KLF12: variants seen among roughly 807,000 people sequenced by gnomAD.
The protein encoded by KLF12 is Krueppel-like factor 12.
Under a neutral mutation model 37.8 loss-of-function variants are expected in KLF12, and 9 were observed. The observed-to-expected ratio is 0.24, with a 90% CI of 0.14 to 0.42. KLF12 has a LOEUF of 0.42. Among genes scored for constraint, KLF12 ranks in the 10% least tolerant of loss-of-function variants. The probability of loss-of-function intolerance (pLI) is 1.00; values close to 1 mark genes in which losing one functional copy is unlikely to be tolerated. For synonymous variants in KLF12, 208 were observed against 202.1 expected (o/e 1.03, Z -0.25); for missense variants, 411 against 516.0 (o/e 0.80, Z 1.97).
At chr13:74,194,141 G>T in the KLF12 span, among the ~76,000 whole-genome samples, 3 of 152,178 alleles carry the variant, frequency 2.0e-5, no homozygotes, top group African/African-American at 4.8e-5. Context: ...TGTGAGACAG[G>T]TGCATGATAT....
At chr13:73,775,215 G>A (rs1364807313) in intron 5 of KLF12, among the ~76,000 whole-genome samples, 1 of 152,066 alleles carries the variant, frequency 6.6e-6, no homozygotes, top group Non-Finnish European at 1.5e-5. Context: ...ACTGTGCCCG[G>A]CCTATCACTC....
chr13:74,148,101 G>C, the KLF12 span, among the ~76,000 whole-genome samples: 1 of 151,726 alleles, frequency 6.6e-6, no homozygotes, highest in African/African-American at 2.4e-5. Flanking sequence ...ATTTTTAGTA[G>C]GGACGGGGTT....
the KLF12 span, among the ~76,000 whole-genome samples, chr13:74,208,576 T>C: frequency 6.6e-6 from 1 of 152,184 alleles, no homozygotes; most frequent in South Asian, 2.1e-4. Context: ...TTCCAAAGAC[T>C]CTTTCAAACT....
At chr13:73,881,567 C>T (rs1434792501) in intron 3 of KLF12, among the ~76,000 whole-genome samples, 5 of 152,030 alleles carry the variant, frequency 3.3e-5, no homozygotes, top group African/African-American at 9.7e-5. Flanking sequence ...AAAAGTTTCT[C>T]AAATAATATT....
chr13:74,079,995 T>C lies in KLF12; in HGVS notation c.-32+53744A>G, dbSNP rs148654312. Among the ~76,000 whole-genome samples, 16 of 152,308 alleles carry C rather than the reference T, an allele frequency of 1.1e-4. No homozygotes were observed. In the East Asian group the frequency reaches 2.7e-3, roughly 26 times the overall value. On this transcript the variant is annotated intron_variant, in intron 1 of 7. Coordinates refer to ENST00000377669, the MANE Select transcript of KLF12 (RefSeq NM_007249.5). ...AAAAGTCCATCAAAAGATGAATGGA[T>C]ACACAAAATGTGGTAGACACATACT...
intron 1 of KLF12, among the ~76,000 whole-genome samples, chr13:74,066,525 G>T (rs959162197): frequency 6.6e-6 from 1 of 151,982 alleles, no homozygotes; most frequent in African/African-American, 2.4e-5. Flanking sequence ...TAGCCAACAC[G>T]CACCTGTAGT....
chr13:74,017,614 G>T, intron 1 of KLF12, among the ~76,000 whole-genome samples: 2 of 121,284 alleles, frequency 1.6e-5, no homozygotes, highest in Admixed American at 1.2e-4. Flanking sequence ...GCAATAACAG[G>T]ATCATTATCT....
chr13:73,964,956 C>T (rs895763213), intron 2 of KLF12, among the ~76,000 whole-genome samples: 4 of 152,114 alleles, frequency 2.6e-5, no homozygotes, highest in Admixed American at 6.6e-5. Flanking sequence ...GCAGTGCTTC[C>T]CAATTATTTT....
intron 7 of KLF12, among the ~76,000 whole-genome samples, chr13:73,714,617 A>G (rs1319047621): frequency 6.6e-6 from 1 of 152,072 alleles, no homozygotes; most frequent in East Asian, 1.9e-4. Flanking sequence ...CCCTCTTCCT[A>G]TCTTCAGTCT....
intron 3 of KLF12, among the ~76,000 whole-genome samples, chr13:73,924,792 G>C (rs908566372): frequency 2.0e-5 from 3 of 152,152 alleles, no homozygotes; most frequent in Non-Finnish European, 4.4e-5. Context: ...GAATGAAAAG[G>C]TAAAGTTCCT....
intron 1 of KLF12, among the ~76,000 whole-genome samples, chr13:74,055,480 G>A (rs1043365447): frequency 3.3e-5 from 5 of 152,124 alleles, no homozygotes; most frequent in Admixed American, 6.6e-5. Context: ...GCTGCAAAGC[G>A]TGCTCCAGTA....
intron 2 of KLF12, among the ~76,000 whole-genome samples, chr13:73,987,471 T>C (rs1353818636): frequency 6.6e-6 from 1 of 152,046 alleles, no homozygotes; most frequent in Admixed American, 6.6e-5. Context: ...CTCTTGAAAA[T>C]TTCTGGTAAA....
At chr13:73,847,338 C>G (rs1426853776) in intron 3 of KLF12, among the ~76,000 whole-genome samples, 1 of 151,990 alleles carries the variant, frequency 6.6e-6, no homozygotes, top group Non-Finnish European at 1.5e-5. Context: ...TTATGAGGAA[C>G]AAAAACTTTT....
chr13:74,166,578 T>C, the KLF12 span, among the ~76,000 whole-genome samples: 2 of 152,132 alleles, frequency 1.3e-5, no homozygotes, highest in Non-Finnish European at 2.9e-5. Context: ...TCACTCCCAT[T>C]AGAAAACCGA....
At chr13:74,170,285 G>A in the KLF12 span, among the ~76,000 whole-genome samples, 3 of 152,010 alleles carry the variant, frequency 2.0e-5, no homozygotes, top group South Asian at 2.1e-4. Flanking sequence ...GTCAGTGTCC[G>A]GAAATATATT....
intron 6 of KLF12, among the ~76,000 whole-genome samples, chr13:73,729,608 G>A (rs1371091124): frequency 6.6e-6 from 1 of 152,170 alleles, no homozygotes; most frequent in Non-Finnish European, 1.5e-5. Flanking sequence ...TCTTAAAAAT[G>A]TCAAGATGAT....
intron 4 of KLF12, among the ~76,000 whole-genome samples, chr13:73,816,928 C>T (rs960983927): frequency 6.6e-6 from 1 of 152,212 alleles, no homozygotes; most frequent in Non-Finnish European, 1.5e-5. Context: ...CAGATGACTA[C>T]ACCATGAGTG....
At chr13:73,989,981 G>T (rs189964733) in intron 2 of KLF12, among the ~76,000 whole-genome samples, 5 of 22,664 alleles carry the variant, frequency 2.2e-4, no homozygotes, top group African/African-American at 3.8e-4. Flanking sequence ...AAGGGTTCAC[G>T]TAATACAATA....
At chr13:73,737,543 T>C (rs1342958020) in intron 6 of KLF12, among the ~76,000 whole-genome samples, 1 of 152,176 alleles carries the variant, frequency 6.6e-6, no homozygotes, top group Non-Finnish European at 1.5e-5. Flanking sequence ...TCTAGTATAC[T>C]AAAATGTTTT....
Sources: gnomAD v4.1 joint callset for allele counts (sites outside exome capture counted in the v4.1 genomes callset) on GRCh38, gnomAD v4.1.1 for gene constraint, MANE v1.5 for transcripts, NCBI Gene and HGNC (gene_info 2026-07-23, HGNC 2026-07-21) for gene names.